The following C2CD2L variants were observed in gnomAD, a reference collection of about 807,000 sequenced individuals.
C2CD2L encodes the protein phospholipid transfer protein C2CD2L.
C2CD2L carries 24 observed loss-of-function variants against 69.9 expected under a neutral mutation model. The ratio of observed to expected loss-of-function variants is 0.34; its 90% CI spans 0.25 to 0.48. The LOEUF (loss-of-function observed/expected upper bound fraction) is 0.48. Among genes scored for constraint, C2CD2L ranks in the 20% least tolerant of loss-of-function variants. The pLI, the probability that C2CD2L is intolerant of heterozygous loss-of-function variation, is 0.99. For missense variants in C2CD2L, 811 were observed against 941.5 expected (o/e 0.86, Z 1.81); for synonymous variants, 367 against 391.0 (o/e 0.94, Z 0.72).
chr11:119,111,019 C>T, intron 4 of C2CD2L, 33 bp from the exon 5 acceptor site: 2 of 1,612,402 alleles, frequency 1.2e-6, no homozygotes, highest in Non-Finnish European at 1.7e-6. Context: ...GTGGGGGATC[C>T]ACCTCCTTGT....
Position 119,111,117 on chromosome 11 carries a change from C to T in C2CD2L, c.747C>T (p.Thr249=), listed in dbSNP as rs1264397316. The change falls in exon 5 of 14, where the codon ACC becomes ACT. Residue 249 remains threonine, a synonymous_variant. Coordinates refer to ENST00000648610, the MANE Select transcript of C2CD2L (RefSeq NM_001290474.2). Reference sequence around the variant, plus strand: ...TGATCAAGGATGCCATAGTCAGCACCCAGCCAGCCATGATGGTCAACCTCA... The same window carrying T: ...TGATCAAGGATGCCATAGTCAGCACTCAGCCAGCCATGATGGTCAACCTCA... ...EELIKDAIVS[T]QPAMMVNLRA... The T allele has an allele frequency of 5.6e-6, 9 of 1,613,998 alleles. No individual in the cohort carries two copies. The highest frequency in any genetic ancestry group is 6.8e-6 in the Non-Finnish European group (8 of 1,180,022).
upstream of C2CD2L, among the ~76,000 whole-genome samples, chr11:119,105,699 G>A (rs2134928826): frequency 6.6e-6 from 1 of 151,946 alleles, no homozygotes; most frequent in East Asian, 1.9e-4. Context: ...CATGTAACTA[G>A]GTAGACTCAC....
intron 8 of C2CD2L, 43 bp downstream of exon 8, chr11:119,112,435 T>C: frequency 6.2e-7 from 1 of 1,613,654 alleles, no homozygotes; most frequent in Non-Finnish European, 8.5e-7. Context: ...GGGTACAGAG[T>C]GGGGTCTGGC....
Position 119,110,480 on chromosome 11 carries a change from G to T in C2CD2L, c.451-81G>T, listed in dbSNP as rs1592238435. 4.8e-6 allele frequency: 7 copies of T among 1,470,158 alleles called. No homozygotes were observed. Among genetic ancestry groups the T allele is most frequent in the Non-Finnish European group, 6.4e-6 (7 of 1,098,408 alleles). The allele number at this position is 1,470,158 out of a possible 1,614,324, so 91.1% of individuals were successfully genotyped here. A position where few individuals can be genotyped will look rare whatever the true frequency, so the allele number is the denominator to read the frequency against. ...TCCTTAGGAAAACGGAAGTGGGGAG[G>T]GGTCTGCTGAACTATTACAGGGCAG... On this transcript the variant is annotated intron_variant, in intron 2 of 13. Transcript: ENST00000648610. This position sits in a 1 kb window ranked among gnomAD's most constrained non-coding sequence, Gnocchi z 5.7.
intron 10 of C2CD2L, 197 bp downstream of exon 10, chr11:119,113,071 A>C: frequency 1.7e-6 from 1 of 600,976 alleles, no homozygotes; most frequent in Non-Finnish European, 2.9e-6. Flanking sequence ...TTCCCCAGCA[A>C]TTCCTCTCAC....
chr11:119,106,530 T>G (rs1946592925), upstream of C2CD2L, among the ~76,000 whole-genome samples: 1 of 152,160 alleles, frequency 6.6e-6, no homozygotes, highest in Non-Finnish European at 1.5e-5. Flanking sequence ...GGCCAGAGGT[T>G]GGGCAGTGTA....
At position 119,116,162 on chromosome 11, in the gene C2CD2L, G is replaced by T; in HGVS notation, c.2027G>T (p.Arg676Leu). Residue 676 changes from arginine to leucine, a missense_variant, in exon 14 of 14, where the codon CGA becomes CTA. By Grantham distance (102) the Arg-to-Leu change is moderately radical (BLOSUM62 -2). Transcript: ENST00000648610. The stretch of plus-strand genomic sequence containing the variant: ...AACGCAACGGCCACGCCCAGTGTCC[G>T]AAAGAAGGCCGGCAGCTTTTCTCGC... ...LSNATATPSV[R>L]KKAGSFSRRL... The T allele has an allele frequency of 6.2e-7, 1 of 1,614,258 alleles. No homozygotes were observed. Among genetic ancestry groups the T allele is most frequent in the Non-Finnish European group, 8.5e-7 (1 of 1,180,048 alleles).
rs530111726 is a variant in C2CD2L at position 119,111,910 on chromosome 11, T to TG, written c.1019+288dup. On this transcript the variant is annotated intron_variant, in intron 7 of 13. Coordinates refer to ENST00000648610, the MANE Select transcript of C2CD2L (RefSeq NM_001290474.2). ...GTAATGTGCCGTCAGAGTGCCTAGG[T>TG]GGGGGGGAGATTAATTCCCATGAGG... 180 of 455,750 alleles carry TG rather than the reference T, an allele frequency of 3.9e-4. 1 individual carries two copies. The highest frequency in any genetic ancestry group is 3.2e-3 in the South Asian group (118 of 36,642). 28.2% of individuals were successfully genotyped at this position (455,750 alleles called of 1,614,324 possible).
In C2CD2L at chr11:119,115,713, A is replaced by G. The variant is rs117171749; in HGVS notation, c.1910-332A>G. On this transcript the variant is annotated intron_variant, in intron 13 of 13. Coordinates refer to ENST00000648610, the MANE Select transcript of C2CD2L (RefSeq NM_001290474.2). ...TGTCTTCCCATAGGAAAGAGGCCCA[A>G]TCCCAGTTTGTCCTCACAAAGCGGC... 7.5e-4 allele frequency: 325 copies of G among 434,844 alleles called. 2 individuals carry two copies. The East Asian group carries it at 7.7e-3, about 10-fold the overall frequency. The allele number at this position is 434,844 out of a possible 1,614,324, so 26.9% of individuals were successfully genotyped here.
upstream of C2CD2L, chr11:119,107,229 C>A (rs1008497762): frequency 1.3e-5 from 2 of 152,386 alleles, no homozygotes; most frequent in African/African-American, 4.8e-5. This position sits in a 1 kb window ranked among gnomAD's most constrained non-coding sequence, Gnocchi z 5.4. Flanking sequence ...CCCGGAACCT[C>A]CTCCGCTCGC....
At position 119,109,995 on chromosome 11, in the gene C2CD2L, C is replaced by A; in HGVS notation, c.355-109C>A. 2 of 793,658 alleles carry A rather than the reference C, an allele frequency of 2.5e-6. No individual in the cohort carries two copies. Among genetic ancestry groups the A allele is most frequent in the Non-Finnish European group, 4.4e-6 (2 of 453,176 alleles). The allele number at this position is 793,658 out of a possible 1,614,324, so 49.2% of individuals were successfully genotyped here. A position where few individuals can be genotyped will look rare whatever the true frequency, so the allele number is the denominator to read the frequency against. ...GAGCCAAGGAGGGGCCAGAAGCCAG[C>A]CTGCAGCTGAGGCCTCCGCAGTGGC... On this transcript the variant is annotated intron_variant, in intron 1 of 13. Transcript: ENST00000648610. The surrounding 1 kb of genome is among the most constrained non-coding windows in gnomAD (Gnocchi z 5.1).
Position 119,109,035 on chromosome 11 carries a change from C to T in C2CD2L, c.354+940C>T, listed in dbSNP as rs1450132271. Among the ~76,000 whole-genome samples the T allele has an allele frequency of 6.6e-6, 1 of 152,196 alleles. No individual in the cohort carries two copies. Among genetic ancestry groups the T allele is most frequent in the Non-Finnish European group, 1.5e-5 (1 of 68,038 alleles). On this transcript the variant is annotated intron_variant, in intron 1 of 13. Coordinates refer to ENST00000648610, the MANE Select transcript of C2CD2L (RefSeq NM_001290474.2). The surrounding 1 kb of genome is among the most constrained non-coding windows in gnomAD (Gnocchi z 5.1). ...GCATCTGTCAGTTTACACCTTGAAC[C>T]CACCTCTTCATCCAACTCTCCCTGT... is the stretch of plus-strand genomic sequence containing the variant.
In C2CD2L at chr11:119,113,701, A is replaced by G. The variant is rs1263909194; in HGVS notation, c.1478A>G (p.His493Arg). The change falls in exon 11 of 14, where the codon CAT (histidine) becomes CGT (arginine). Residue 493 changes from histidine to arginine, a missense_variant. Coordinates refer to ENST00000648610, the MANE Select transcript of C2CD2L (RefSeq NM_001290474.2). ...SESSGPSNTS[H>R]SSSRDSHLSN... ...AGCAGTGGCCCCAGCAATACCTCCC[A>G]TAGCAGCAGCCGTGAGTGGGGAATG... 2 of 1,613,710 alleles carry G rather than the reference A, an allele frequency of 1.2e-6. No homozygotes were observed.
chr11:119,110,212 TG>T lies in C2CD2L; in HGVS notation c.450+16del. The T allele has an allele frequency of 6.3e-7, 1 of 1,581,282 alleles. No homozygotes were observed. Among genetic ancestry groups the T allele is most frequent in the Non-Finnish European group, 8.7e-7 (1 of 1,150,140 alleles). On this transcript the variant is annotated intron_variant, in intron 2 of 13. Coordinates refer to ENST00000648610, the MANE Select transcript of C2CD2L (RefSeq NM_001290474.2). This position sits in a 1 kb window ranked among gnomAD's most constrained non-coding sequence, Gnocchi z 5.7. ...TGAGCATACCATGGTAAGGGTCTGA[TG>T]GGCACTGCCCTCTTTGGGGTCCAAG... is the stretch of plus-strand genomic sequence containing the variant.
chr11:119,111,260 T>TA lies in C2CD2L; in HGVS notation c.799-2dup. The TA allele has an allele frequency of 6.2e-7, 1 of 1,613,884 alleles. No individual in the cohort carries two copies. The highest frequency in any genetic ancestry group is 2.2e-5 in the East Asian group (1 of 44,864). On this transcript the variant is annotated splice_region_variant and splice_polypyrimidine_tract_variant and intron_variant, in intron 5 of 13. Coordinates refer to ENST00000648610, the MANE Select transcript of C2CD2L (RefSeq NM_001290474.2). ...TGCTCTTTGGACCTTCTTCTGCTCTTAGGTACCCAGTGAGAAGCCACCCAT... is the reference window on the plus strand; with the variant it reads ...TGCTCTTTGGACCTTCTTCTGCTCTTAAGGTACCCAGTGAGAAGCCACCCAT...
chr11:119,110,623 C>G lies in C2CD2L; in HGVS notation c.513C>G (p.Ser171=), dbSNP rs200869167. The G allele has an allele frequency of 4.6e-4, 736 of 1,612,680 alleles. 1 individual carries two copies. The highest frequency in any genetic ancestry group is 6.0e-4 in the Non-Finnish European group (709 of 1,179,770). Residue 171 remains serine (S), a synonymous_variant, in exon 3 of 14, where the codon TCC becomes TCG. Coordinates refer to ENST00000648610, the MANE Select transcript of C2CD2L (RefSeq NM_001290474.2). The surrounding 1 kb of genome is among the most constrained non-coding windows in gnomAD (Gnocchi z 5.7). ...TCCCAGTCTCTGTGACCCAGCAGTC[C>G]CCCGCTGCCGTCTCCATGGAGACCT... ...VRFPVSVTQQ[S]PAAVSMETYH... is the part of the protein sequence containing the mutation.
At chr11:119,115,774 G>C in intron 13 of C2CD2L, 1 of 568,188 alleles carries the variant, frequency 1.8e-6, no homozygotes, top group Non-Finnish European at 3.1e-6. Context: ...GCAGAGTTAA[G>C]ATTGTACACA....
rs758834133 is a variant in C2CD2L, at chr11:119,116,173, G to A, written c.2038G>A (p.Gly680Ser). The A allele has an allele frequency of 1.9e-6, 3 of 1,614,224 alleles. No homozygotes were observed. Among genetic ancestry groups the A allele is most frequent in the Non-Finnish European group, 2.5e-6 (3 of 1,180,044 alleles). The change falls in exon 14 of 14, where the codon GGC becomes AGC. Residue 680 changes from glycine (G) to serine (S), a missense_variant. Coordinates refer to ENST00000648610, the MANE Select transcript of C2CD2L (RefSeq NM_001290474.2). ...TATPSVRKKA[G>S]SFSRRLIKRF... ...CACGCCCAGTGTCCGAAAGAAGGCC[G>A]GCAGCTTTTCTCGCCGCCTTATCAA...
rs201118399 is a variant in C2CD2L, at chr11:119,111,585, C to A, written c.975C>A (p.Pro325=). ...CCATGCAGCAGAAGTGGACCAAGCC[C>A]GCGAGGGCTGGATCCGAGGTGGAGT... The part of the protein sequence containing the change: ...DNPMQQKWTK[P]ARAGSEVEWT... Residue 325 remains proline (P), a synonymous_variant, in exon 7 of 14, where the codon CCC becomes CCA. Transcript: ENST00000648610. The A allele has an allele frequency of 6.2e-7, 1 of 1,614,108 alleles. No individual in the cohort carries two copies. Among genetic ancestry groups the A allele is most frequent in the Admixed American group, 1.7e-5 (1 of 60,032 alleles).
Sources: allele counts gnomAD v4.1 joint callset (sites outside exome capture counted in the v4.1 genomes callset), GRCh38; gene constraint gnomAD v4.1.1; non-coding constraint Gnocchi (gnomAD v3.1); transcripts MANE v1.5; gene names NCBI Gene and HGNC (gene_info 2026-07-23, HGNC 2026-07-21).